Variants in NPTXR observed in about 807,000 individuals in gnomAD.
NPTXR encodes the protein neuronal pentraxin receptor.
Under a neutral mutation model 32.2 loss-of-function variants are expected in NPTXR, and 12 were observed. The observed-to-expected ratio is 0.37, with a 90% CI of 0.24 to 0.60. NPTXR has a LOEUF of 0.60. NPTXR is among the 20% of genes least tolerant of loss of function. The probability of loss-of-function intolerance (pLI) is 0.66; values close to 1 mark genes in which losing one functional copy is unlikely to be tolerated. For missense variants in NPTXR, 612 were observed against 682.9 expected (o/e 0.90, Z 1.16); for synonymous variants, 323 against 315.8 (o/e 1.02, Z -0.24).
intron 1 of NPTXR, among the ~76,000 whole-genome samples, chr22:38,836,410 A>G (rs1373479667): frequency 2.0e-5 from 3 of 152,236 alleles, no homozygotes; most frequent in Admixed American, 6.5e-5. Flanking sequence ...GCAACGGAAC[A>G]CCACACGGCA....
At chr22:38,837,483 G>GA (rs2093125713) in intron 1 of NPTXR, among the ~76,000 whole-genome samples, 1 of 152,356 alleles carries the variant, frequency 6.6e-6, no homozygotes, top group Admixed American at 6.5e-5. Flanking sequence ...CAAAGTCAGA[G>GA]AAAAACAAAG....
At position 38,826,493 on chromosome 22, in the gene NPTXR, TGCCTACCTTGTCGTTGATCAGCA is replaced by T. The variant is rs1569327464; in HGVS notation, c.1082_1098+6del. On this transcript the variant is annotated splice_donor_variant and splice_donor_5th_base_variant and coding_sequence_variant and intron_variant, in exon 3 of 5. Transcript: ENST00000333039. LOFTEE classifies it high-confidence loss of function. ...CCCAGCCAGCCCTCCCTGCCAGCCCTGCCTACCTTGTCGTTGATCAGCAGCTCCATGGGCTCATGGCCCGCCTC... is the reference window on the plus strand; with the variant it reads ...CCCAGCCAGCCCTCCCTGCCAGCCCTGCTCCATGGGCTCATGGCCCGCCTC... The T allele has an allele frequency of 6.3e-7, 1 of 1,597,838 alleles. No homozygotes were observed. Among genetic ancestry groups the T allele is most frequent in the Non-Finnish European group, 8.6e-7 (1 of 1,168,834 alleles).
chr22:38,823,329 TG>T, intron 3 of NPTXR, 67 bp from the exon 4 acceptor site: 1 of 1,491,126 alleles, frequency 6.7e-7, no homozygotes. Context: ...GCTGAGGCAG[TG>T]GGGTGGGGCT....
chr22:38,842,118 C>G (rs988224642), intron 1 of NPTXR, among the ~76,000 whole-genome samples: 2 of 152,232 alleles, frequency 1.3e-5, no homozygotes, highest in Admixed American at 6.5e-5. Flanking sequence ...ATCACCAGTG[C>G]TGCTTGCCCA....
At chr22:38,830,092 C>T (rs2093113815) in intron 1 of NPTXR, among the ~76,000 whole-genome samples, 2 of 152,210 alleles carry the variant, frequency 1.3e-5, no homozygotes, top group Non-Finnish European at 2.9e-5. Flanking sequence ...GGACCACTGC[C>T]ATGCTCAGTG....
chr22:38,822,740 C>G lies in NPTXR; in HGVS notation c.1372G>C (p.Val458Leu). Residue 458 changes from valine to leucine, a missense_variant, in exon 5 of 5, where the codon GTC becomes CTC. Transcript: ENST00000333039. ...GCAGTGCAGTTGGCAATGCCCAGGA[C>G]CTGGGCTGGTGTCAGGGCGTGGTCC... 1 of 1,614,194 alleles carries G rather than the reference C, an allele frequency of 6.2e-7. No homozygotes were observed.
intron 1 of NPTXR, among the ~76,000 whole-genome samples, chr22:38,837,428 C>T (rs1452714531): frequency 6.6e-6 from 1 of 152,262 alleles, no homozygotes; most frequent in African/African-American, 2.4e-5. Flanking sequence ...CAGGCAGGGT[C>T]AGGGGAACCA....
At chr22:38,830,973 G>C (rs573663085) in intron 1 of NPTXR, among the ~76,000 whole-genome samples, 1 of 152,230 alleles carries the variant, frequency 6.6e-6, no homozygotes. Flanking sequence ...GCCAGGTGAA[G>C]GTGGGCATGG....
Position 38,843,391 on chromosome 22 carries a change from G to T in NPTXR, c.468C>A (p.Gly156=). 1 of 1,414,664 alleles carries T rather than the reference G, an allele frequency of 7.1e-7. No homozygotes were observed. Among genetic ancestry groups the T allele is most frequent in the East Asian group, 3.0e-5 (1 of 33,584 alleles). 87.6% of individuals were successfully genotyped at this position (1,414,664 alleles called of 1,614,324 possible). The change falls in exon 1 of 5, where the codon GGC becomes GGA. Residue 156 remains glycine (G), a synonymous_variant. Coordinates refer to ENST00000333039, the MANE Select transcript of NPTXR (RefSeq NM_014293.4). This position sits in a 1 kb window ranked among gnomAD's most constrained non-coding sequence, Gnocchi z 5.3. Reference sequence around the variant, plus strand: ...GGCCGCTCTCGCAGCGGCCCAGCTTGCCGGTGAGCTCACGGATGGTGTCCT... The same window carrying T: ...GGCCGCTCTCGCAGCGGCCCAGCTTTCCGGTGAGCTCACGGATGGTGTCCT...
chr22:38,827,747 G>A (rs892401152), intron 2 of NPTXR, among the ~76,000 whole-genome samples: 2 of 152,212 alleles, frequency 1.3e-5, no homozygotes, highest in Admixed American at 6.5e-5. Context: ...GTGAACTTCT[G>A]AGGTCACAGA....
chr22:38,822,825 C>G lies in NPTXR; in HGVS notation c.1287G>C (p.Leu429=). Residue 429 remains leucine, a synonymous_variant, in exon 5 of 5, where the codon CTG becomes CTC. Coordinates refer to ENST00000333039, the MANE Select transcript of NPTXR (RefSeq NM_014293.4). ...CCTGGGTGGCATCAAACCGGCCACCCAGGGTATCCTGGGCCAAGACAGCAG... is the reference window on the plus strand; with the variant it reads ...CCTGGGTGGCATCAAACCGGCCACCGAGGGTATCCTGGGCCAAGACAGCAG... The G allele has an allele frequency of 6.2e-7, 1 of 1,613,668 alleles. No homozygotes were observed. The highest frequency in any genetic ancestry group is 8.5e-7 in the Non-Finnish European group (1 of 1,179,768).
chr22:38,843,211 C>T lies in NPTXR; in HGVS notation c.624+24G>A. On this transcript the variant is annotated intron_variant, in intron 1 of 4. Coordinates refer to ENST00000333039, the MANE Select transcript of NPTXR (RefSeq NM_014293.4). The surrounding 1 kb of genome is among the most constrained non-coding windows in gnomAD (Gnocchi z 5.3). ...GGCCCCTCACACCACCCGGGCGGCT[C>T]CCCCGACGGCGCGCGGCGCTCACCT... 1 of 1,300,514 alleles carries T rather than the reference C, an allele frequency of 7.7e-7. No individual in the cohort carries two copies. The allele number at this position is 1,300,514 out of a possible 1,614,324, so 80.6% of individuals were successfully genotyped here.
intron 1 of NPTXR, among the ~76,000 whole-genome samples, chr22:38,836,831 T>C (rs1318168460): frequency 1.3e-5 from 2 of 152,192 alleles, no homozygotes; most frequent in East Asian, 1.9e-4. Flanking sequence ...TATTTATTTT[T>C]TGAGATGGAG....
chr22:38,828,743 G>A (rs1346524985), intron 1 of NPTXR, among the ~76,000 whole-genome samples: 3 of 152,262 alleles, frequency 2.0e-5, no homozygotes, highest in African/African-American at 4.8e-5. Flanking sequence ...AGCTGGCCCC[G>A]GCCCTCAAGG....
chr22:38,831,959 T>A (rs1039295961), intron 1 of NPTXR, among the ~76,000 whole-genome samples: 3 of 152,098 alleles, frequency 2.0e-5, no homozygotes, highest in Non-Finnish European at 2.9e-5. Context: ...GCCAAACCGA[T>A]ACCCCTGGAG....
intron 2 of NPTXR, among the ~76,000 whole-genome samples, chr22:38,827,228 C>CTTTCT (rs1263667385): frequency 6.7e-6 from 1 of 150,108 alleles, no homozygotes; most frequent in East Asian, 2.0e-4. Flanking sequence ...CTTGGATATT[C>CTTTCT]TTTCTTTTCT....
In NPTXR at chr22:38,843,103, CGCCAGCGAG is replaced by C; in HGVS notation, c.624+123_624+131del. The C allele has an allele frequency of 4.2e-6, 4 of 954,530 alleles. No individual in the cohort carries two copies. The highest frequency in any genetic ancestry group is 4.1e-6 in the Non-Finnish European group (3 of 737,760). The allele number at this position is 954,530 out of a possible 1,614,324, so 59.1% of individuals were successfully genotyped here. ...GTTCCCTATCGAAATCCCCCCGCCT[CGCCAGCGAG>C]GAAGGCGCGATCGTCCCCGGAACAC... On this transcript the variant is annotated intron_variant, in intron 1 of 4. Coordinates refer to ENST00000333039, the MANE Select transcript of NPTXR (RefSeq NM_014293.4). The surrounding 1 kb of genome is among the most constrained non-coding windows in gnomAD (Gnocchi z 5.3).
At chr22:38,822,854 A>G (rs776724812) in intron 4 of NPTXR, 21 bp from the exon 5 acceptor site, 8 of 1,603,696 alleles carry the variant, frequency 5.0e-6, no homozygotes, top group African/African-American at 1.3e-5. Flanking sequence ...ACAGCAGCAG[A>G]GAAAGGAGAG....
At chr22:38,826,899 GAGGGGTGTGATTAAAGTGC>G in intron 2 of NPTXR, 152 bp from the exon 3 acceptor site, 1 of 884,974 alleles carries the variant, frequency 1.1e-6, no homozygotes, top group Non-Finnish European at 1.7e-6. Context: ...CCTCTGTGTT[GAGGGGTGTGATTAAAGTGC>G]AGGGGCTCTG....
Sources: gnomAD v4.1 joint callset for allele counts (sites outside exome capture counted in the v4.1 genomes callset) on GRCh38, gnomAD v4.1.1 for gene constraint, Gnocchi (gnomAD v3.1) non-coding constraint, MANE v1.5 for transcripts, NCBI Gene and HGNC (gene_info 2026-07-23, HGNC 2026-07-21) for gene names.